DLG2: variants seen among roughly 807,000 people sequenced by gnomAD.
The protein encoded by DLG2 is disks large homolog 2.
In DLG2, 45 loss-of-function variants were observed where a neutral mutation model predicts 132.5. The observed-to-expected ratio is 0.34, with a 90% confidence interval of 0.27 to 0.44. DLG2 has a LOEUF of 0.44. Among genes scored for constraint, DLG2 ranks in the 20% least tolerant of loss-of-function variants. DLG2 has a pLI of 1.00. For synonymous variants in DLG2, 424 were observed against 419.6 expected (o/e 1.01, Z -0.13); for missense variants, 1,045 against 1,196.9 (o/e 0.87, Z 1.87).
intron 3 of DLG2, among the ~76,000 whole-genome samples, chr11:85,424,389 C>T (rs1265646749): frequency 2.0e-5 from 3 of 152,274 alleles, no homozygotes; most frequent in African/African-American, 7.2e-5. Context: ...TCATATGCTG[C>T]TCTGTCCATC....
At chr11:84,648,520 C>A (rs2099677545) in intron 6 of DLG2, among the ~76,000 whole-genome samples, 1 of 152,078 alleles carries the variant, frequency 6.6e-6, no homozygotes. Context: ...ATGTTTGTCT[C>A]CTCCGCATCT....
At chr11:84,857,827 T>G (rs2154026666) in intron 6 of DLG2, among the ~76,000 whole-genome samples, 1 of 152,190 alleles carries the variant, frequency 6.6e-6, no homozygotes, top group African/African-American at 2.4e-5. Flanking sequence ...CATCTTGTTA[T>G]TTCAATTCTA....
Position 84,081,276 on chromosome 11 carries a change from G to A in DLG2, c.749+17647C>T, listed in dbSNP as rs147154526. Among the ~76,000 whole-genome samples the A allele has an allele frequency of 1.4e-3, 216 of 152,162 alleles. 2 individuals are homozygous for A. Among genetic ancestry groups the A allele is most frequent in the African/African-American group, 4.7e-3 (197 of 41,520 alleles). ...ACAGGCCAATTCTAGGTCACTGTGC[G>A]AAGGATGATTTATACATTGTCTTAG... On this transcript the variant is annotated intron_variant, in intron 10 of 27. Coordinates refer to ENST00000376104, the MANE Select transcript of DLG2 (RefSeq NM_001142699.3).
At chr11:84,151,338 T>C (rs933379300) in intron 9 of DLG2, among the ~76,000 whole-genome samples, 10 of 152,174 alleles carry the variant, frequency 6.6e-5, no homozygotes, top group Admixed American at 2.0e-4. Context: ...CTTGTGTGTA[T>C]AGAGGTGATC....
intron 7 of DLG2, chr11:84,316,977 C>T: frequency 6.2e-7 from 1 of 1,612,836 alleles, no homozygotes; most frequent in East Asian, 2.2e-5. Flanking sequence ...GCTGGGCCCC[C>T]TGGTCCTGAG....
At chr11:84,896,029 GATTA>G (rs2090140953) in intron 6 of DLG2, among the ~76,000 whole-genome samples, 1 of 152,058 alleles carries the variant, frequency 6.6e-6, no homozygotes. Context: ...TTAACTGGTT[GATTA>G]GTTAGGAGTG....
chr11:83,544,352 T>C (rs1332752425), intron 19 of DLG2, among the ~76,000 whole-genome samples: 1 of 152,180 alleles, frequency 6.6e-6, no homozygotes, highest in Non-Finnish European at 1.5e-5. Flanking sequence ...TCTCTATAGA[T>C]TGCAAAGCAT....
At position 85,436,890 on chromosome 11, in the gene DLG2, G is replaced by A. The variant is rs532709341; in HGVS notation, c.41-151525C>T. On this transcript the variant is annotated intron_variant, in intron 3 of 27. Transcript: ENST00000376104. ...GCACTGTTCACAATAGCAAAGACAT[G>A]GAACCAACCCAAATGCCCATCAATG... 2.6e-5 allele frequency among the ~76,000 whole-genome samples: 4 copies of A among 152,276 alleles called. No homozygotes were observed. The East Asian group carries it at 5.8e-4, about 22-fold the overall frequency.
At chr11:84,053,271 A>G (rs2096434576) in intron 11 of DLG2, among the ~76,000 whole-genome samples, 1 of 151,922 alleles carries the variant, frequency 6.6e-6, no homozygotes, top group Non-Finnish European at 1.5e-5. Flanking sequence ...TTGGAGGGGA[A>G]GCAGGAGGAA....
intron 3 of DLG2, among the ~76,000 whole-genome samples, chr11:85,430,911 G>T (rs2091136467): frequency 6.6e-6 from 1 of 150,560 alleles, no homozygotes; most frequent in Non-Finnish European, 1.5e-5. Context: ...GGCAGAGGTT[G>T]CAATGAGCCA....
At chr11:83,469,744 G>A (rs1176973423) in intron 24 of DLG2, among the ~76,000 whole-genome samples, 1 of 152,102 alleles carries the variant, frequency 6.6e-6, no homozygotes, top group African/African-American at 2.4e-5. Flanking sequence ...GGAGATCCCA[G>A]AAAGGCCACA....
At chr11:85,477,666 T>C (rs1245959040) in intron 3 of DLG2, among the ~76,000 whole-genome samples, 1 of 152,208 alleles carries the variant, frequency 6.6e-6, no homozygotes, top group African/African-American at 2.4e-5. Context: ...CATACCATTT[T>C]CACAAATAAC....
chr11:85,517,154 A>C (rs1341433178), intron 3 of DLG2, among the ~76,000 whole-genome samples: 5 of 152,170 alleles, frequency 3.3e-5, no homozygotes, highest in Admixed American at 6.6e-5. Context: ...TCATCATATA[A>C]AGATAATTAA....
chr11:83,467,842 C>A (rs865813399), intron 25 of DLG2, among the ~76,000 whole-genome samples: 1 of 117,672 alleles, frequency 8.5e-6, no homozygotes, highest in African/African-American at 3.0e-5. Context: ...ATAATTAAAA[C>A]ATATATATAT....
chr11:84,392,117 CTT>C (rs910872368), intron 7 of DLG2, among the ~76,000 whole-genome samples: 28 of 152,152 alleles, frequency 1.8e-4, no homozygotes, highest in Admixed American at 7.2e-4. Flanking sequence ...CTAAATATGA[CTT>C]TTTCCAGGGA....
At chr11:85,447,227 C>T (rs2092049769) in intron 3 of DLG2, among the ~76,000 whole-genome samples, 1 of 152,108 alleles carries the variant, frequency 6.6e-6, no homozygotes, top group African/African-American at 2.4e-5. Context: ...ATTCTAGAAA[C>T]ATTGACAGAC....
chr11:85,470,170 G>A (rs1407411195), intron 3 of DLG2, among the ~76,000 whole-genome samples: 3 of 148,568 alleles, frequency 2.0e-5, no homozygotes, highest in African/African-American at 7.4e-5. Context: ...AGTAACTTTG[G>A]TGAAAAATCA....
intron 3 of DLG2, among the ~76,000 whole-genome samples, chr11:85,392,667 A>T (rs2086903204): frequency 1.3e-5 from 2 of 152,094 alleles, no homozygotes; most frequent in Admixed American, 6.6e-5. Context: ...AATAAACTCA[A>T]ATACTCACAG....
intron 17 of DLG2, among the ~76,000 whole-genome samples, chr11:83,804,789 A>T (rs564909411): frequency 1.6e-4 from 24 of 152,244 alleles, no homozygotes; most frequent in Admixed American, 1.4e-3. Flanking sequence ...TATTGCACCT[A>T]TTCAAATTTC....
Sources: allele counts gnomAD v4.1 joint callset (sites outside exome capture counted in the v4.1 genomes callset), GRCh38; gene constraint gnomAD v4.1.1; transcripts MANE v1.5; gene names NCBI Gene and HGNC (gene_info 2026-07-23, HGNC 2026-07-21).